Variants in SYN3 observed in about 807,000 individuals in gnomAD.
SYN3 encodes the protein synapsin-3.
A neutral mutation model predicts 65.8 loss-of-function variants in SYN3; 35 were observed. The observed-to-expected ratio is 0.53, with a 90% confidence interval of 0.41 to 0.70. The LOEUF (loss-of-function observed/expected upper bound fraction) is 0.70. Among genes scored for constraint, SYN3 ranks in the 30% least tolerant of loss-of-function variants. The pLI is 0.00. For missense variants in SYN3, 680 were observed against 749.0 expected, an observed-to-expected ratio of 0.91 and a Z score of 1.08; for synonymous variants, 270 against 292.9, an observed-to-expected ratio of 0.92 and a Z score of 0.80.
At chr22:32,960,740 T>C (rs2051622111) in intron 3 of SYN3, among the ~76,000 whole-genome samples, 1 of 152,126 alleles carries the variant, frequency 6.6e-6, no homozygotes, top group African/African-American at 2.4e-5. Flanking sequence ...CACTGACCAG[T>C]GTGGATCATG....
chr22:32,798,715 G>A (rs1191785023), intron 6 of SYN3, among the ~76,000 whole-genome samples: 6 of 120,112 alleles, frequency 5.0e-5, no homozygotes, highest in African/African-American at 6.7e-5. Flanking sequence ...TTTTGGAGAC[G>A]GAGTCTCACT....
chr22:32,759,403 C>G (rs1052069977), intron 6 of SYN3, among the ~76,000 whole-genome samples: 1 of 152,092 alleles, frequency 6.6e-6, no homozygotes, highest in Non-Finnish European at 1.5e-5. Context: ...TATTAGTTGA[C>G]CATGAAAATC....
At chr22:32,847,499 C>G (rs1246412783) in intron 6 of SYN3, among the ~76,000 whole-genome samples, 1 of 152,210 alleles carries the variant, frequency 6.6e-6, no homozygotes, top group Non-Finnish European at 1.5e-5. Flanking sequence ...ATTGATTCAT[C>G]TGAACCCTGA....
chr22:32,770,341 G>T (rs1038334312), intron 6 of SYN3, among the ~76,000 whole-genome samples: 14 of 152,056 alleles, frequency 9.2e-5, no homozygotes, highest in Non-Finnish European at 1.6e-4. Context: ...CCACTCTTCT[G>T]CTCAATGCTC....
chr22:32,846,796 G>C (rs1326742540), intron 6 of SYN3, among the ~76,000 whole-genome samples: 3 of 152,230 alleles, frequency 2.0e-5, no homozygotes, highest in Non-Finnish European at 2.9e-5. Context: ...CAGGAGGAAA[G>C]AGCCCCAGAG....
In SYN3 at chr22:32,508,348, T is replaced by TC. The variant is rs2057654758; in HGVS notation, c.*5343dup. On this transcript the variant is annotated 3_prime_UTR_variant, in exon 14 of 14. Coordinates refer to ENST00000358763, the MANE Select transcript of SYN3 (RefSeq NM_003490.4). Reference sequence around the variant, plus strand: ...GAACAACCCCCTTTGCATGTAATTTTCCATTACCTTCCCAAATCCTATAAA... The same window carrying TC: ...GAACAACCCCCTTTGCATGTAATTTTCCCATTACCTTCCCAAATCCTATAAA... Among the ~76,000 whole-genome samples, 1 of 152,180 alleles carries TC rather than the reference T, an allele frequency of 6.6e-6. No individual in the cohort carries two copies.
At chr22:32,673,623 TG>T (rs1197022234) in intron 6 of SYN3, among the ~76,000 whole-genome samples, 1 of 152,210 alleles carries the variant, frequency 6.6e-6, no homozygotes, top group African/African-American at 2.4e-5. Context: ...GAGCCAGGGA[TG>T]GCTTTCTCGA....
At chr22:32,997,842 C>T (rs1018428778) in intron 2 of SYN3, among the ~76,000 whole-genome samples, 16 of 151,856 alleles carry the variant, frequency 1.1e-4, no homozygotes, top group African/African-American at 3.4e-4. Flanking sequence ...CTGGCTAACA[C>T]GGTGAAACCC....
chr22:32,875,358 T>C (rs963462468), intron 4 of SYN3, among the ~76,000 whole-genome samples: 1 of 152,178 alleles, frequency 6.6e-6, no homozygotes, highest in African/African-American at 2.4e-5. Context: ...CTTCCTTGTC[T>C]CGTTTCAGCC....
At chr22:32,571,031 T>G (rs1384025532) in intron 7 of SYN3, among the ~76,000 whole-genome samples, 1 of 152,114 alleles carries the variant, frequency 6.6e-6, no homozygotes, top group African/African-American at 2.4e-5. Context: ...GAATTGTGTG[T>G]GTGTGTGTTT....
intron 2 of SYN3, among the ~76,000 whole-genome samples, chr22:32,985,703 C>G (rs1039520296): frequency 6.6e-6 from 1 of 152,114 alleles, no homozygotes; most frequent in Non-Finnish European, 1.5e-5. Context: ...GATCTGGACC[C>G]TGCTGACTGG....
intron 1 of SYN3, among the ~76,000 whole-genome samples, chr22:33,043,930 G>A (rs2054011345): frequency 2.0e-5 from 3 of 152,094 alleles, no homozygotes; most frequent in African/African-American, 7.2e-5. Context: ...GTATGCACCT[G>A]TAGTCCCAGC....
chr22:32,550,718 T>C (rs946296644), intron 7 of SYN3, among the ~76,000 whole-genome samples: 3 of 149,254 alleles, frequency 2.0e-5, no homozygotes, highest in African/African-American at 4.9e-5. Context: ...AAAATAAGAA[T>C]AAACATATTT....
chr22:33,018,175 G>A (rs977086976), intron 1 of SYN3, among the ~76,000 whole-genome samples: 3 of 152,196 alleles, frequency 2.0e-5, no homozygotes, highest in Admixed American at 2.0e-4. Flanking sequence ...CAGGTTAGAA[G>A]GCCGTTGTAG....
At chr22:32,563,211 T>C (rs1031613205) in intron 7 of SYN3, among the ~76,000 whole-genome samples, 6 of 152,248 alleles carry the variant, frequency 3.9e-5, no homozygotes, top group Non-Finnish European at 7.3e-5. Context: ...TGGGAAGTTC[T>C]CCAGGCAGGG....
chr22:32,673,171 C>T (rs895685341), intron 6 of SYN3, among the ~76,000 whole-genome samples: 38 of 152,196 alleles, frequency 2.5e-4, no homozygotes, highest in African/African-American at 8.4e-4. Flanking sequence ...ATTAAGGGTA[C>T]GTAGGATGTT....
chr22:32,703,508 A>T (rs1290895019), intron 6 of SYN3, among the ~76,000 whole-genome samples: 1 of 151,962 alleles, frequency 6.6e-6, no homozygotes, highest in Non-Finnish European at 1.5e-5. Context: ...GTGGTAGCGG[A>T]TGCCTGTAGT....
intron 6 of SYN3, among the ~76,000 whole-genome samples, chr22:32,798,334 C>T (rs2046478282): frequency 6.6e-6 from 1 of 152,206 alleles, no homozygotes; most frequent in Middle Eastern, 3.4e-3. Context: ...GCCCACAGTA[C>T]AAGCATGGGC....
chr22:32,625,735 C>T (rs1837901566), intron 6 of SYN3, among the ~76,000 whole-genome samples: 1 of 152,174 alleles, frequency 6.6e-6, no homozygotes, highest in Non-Finnish European at 1.5e-5. Flanking sequence ...GATCTCCAAC[C>T]AGGCTACCCA....
Sources: gnomAD v4.1 joint callset for allele counts (sites outside exome capture counted in the v4.1 genomes callset) on GRCh38, gnomAD v4.1.1 for gene constraint, MANE v1.5 for transcripts, NCBI Gene and HGNC (gene_info 2026-07-23, HGNC 2026-07-21) for gene names.